DST: variants seen among roughly 807,000 people sequenced by gnomAD.
DST encodes the protein dystonin, also known as bullous pemphigoid antigen.
A neutral mutation model predicts 875.2 loss-of-function variants in DST; 253 were observed. The ratio of observed to expected loss-of-function variants is 0.29; its 90% CI spans 0.26 to 0.32. The LOEUF (loss-of-function observed/expected upper bound fraction) is 0.32. Ranked by LOEUF, DST falls within the 10% of genes least tolerant of loss-of-function variation. The pLI, the probability that DST is intolerant of heterozygous loss-of-function variation, is 1.00. For missense variants in DST, 8,287 were observed against 9,111.6 expected (o/e 0.91, Z 3.68); for synonymous variants, 3,124 against 3,197.1 (o/e 0.98, Z 0.77).
rs2096468437 is a variant in DST at position 56,511,179 on chromosome 6, T to C, written c.18780+18A>G. 1.3e-6 allele frequency: 2 copies of C among 1,559,460 alleles called. No individual in the cohort carries two copies. The highest frequency in any genetic ancestry group is 1.7e-6 in the Non-Finnish European group (2 of 1,148,900). On this transcript the variant is annotated intron_variant, in intron 73 of 103. Coordinates refer to ENST00000680361, the MANE Select transcript of DST (RefSeq NM_001374736.1). ...TTGTCTGCAAGAACCCAATTCTATA[T>C]CTAGTGTAAACAATTACCTGAGTTG...
chr6:56,775,166 A>G (rs544275891), intron 4 of DST, among the ~76,000 whole-genome samples: 5 of 152,238 alleles, frequency 3.3e-5, no homozygotes, highest in African/African-American at 1.2e-4. Flanking sequence ...AAGAACAAGG[A>G]AGAGATTACA....
chr6:56,670,140 G>C lies in DST; in HGVS notation c.1214+501C>G, dbSNP rs921997577. Among the ~76,000 whole-genome samples, 269 of 141,552 alleles carry C rather than the reference G, an allele frequency of 1.9e-3. 2 individuals carry two copies. The highest frequency in any genetic ancestry group is 6.5e-3 in the African/African-American group (241 of 36,900). 92.9% of individuals were successfully genotyped at this position (141,552 alleles called of 152,430 possible). ...TGTGTGCGAGCGCCCGTGCGTGTGT[G>C]TGTGTGTGTGTGTGTGTGTGTGTGT... On this transcript the variant is annotated intron_variant, in intron 10 of 103. Transcript: ENST00000680361.
At chr6:56,939,648 C>A (rs984421481) in intron 2 of DST, among the ~76,000 whole-genome samples, 1 of 152,142 alleles carries the variant, frequency 6.6e-6, no homozygotes, top group Non-Finnish European at 1.5e-5. Context: ...AAACCATTTT[C>A]ACTGTTTTTG....
rs374547422 is a variant in DST, at chr6:56,895,151, G to A, written c.417+5270C>T. ...TCCCGGACGGGGAGGCTGGCCGGGC[G>A]GGGGGCTGACCCCCCCCACCTCCCT... On this transcript the variant is annotated intron_variant, in intron 3 of 103. Transcript: ENST00000680361. Among the ~76,000 whole-genome samples, 72 of 80,534 alleles carry A rather than the reference G, an allele frequency of 8.9e-4. 3 individuals are homozygous for A. In the East Asian group the frequency reaches 0.021, roughly 23 times the overall value. 52.8% of individuals were successfully genotyped at this position (80,534 alleles called of 152,430 possible).
At chr6:56,526,676 C>T in intron 68 of DST, 109 bp from the exon 69 acceptor site, 2 of 896,926 alleles carry the variant, frequency 2.2e-6, no homozygotes, top group Non-Finnish European at 3.4e-6. Flanking sequence ...ATGCTTTGCC[C>T]CACTCCCCCC....
chr6:56,763,598 G>C (rs1221823247), intron 4 of DST, among the ~76,000 whole-genome samples: 1 of 151,686 alleles, frequency 6.6e-6, no homozygotes, highest in East Asian at 1.9e-4. Flanking sequence ...CTTGAACCTG[G>C]GAGGTGGAGG....
chr6:56,526,683 C>T (rs990079384), intron 68 of DST, 116 bp from the exon 69 acceptor site: 66 of 862,430 alleles, frequency 7.7e-5, no homozygotes, highest in Middle Eastern at 3.6e-4. Context: ...GCCCCACTCC[C>T]CCCCTCCCTT....
chr6:56,672,093 C>T (rs1035322006), intron 9 of DST, among the ~76,000 whole-genome samples: 1 of 152,118 alleles, frequency 6.6e-6, no homozygotes, highest in Non-Finnish European at 1.5e-5. Context: ...CCAAAGAAAA[C>T]CTGTTACATG....
At chr6:56,546,785 C>T (rs953831770) in intron 61 of DST, among the ~76,000 whole-genome samples, 2 of 152,118 alleles carry the variant, frequency 1.3e-5, no homozygotes, top group Non-Finnish European at 2.9e-5. Context: ...CTCTCTCTCA[C>T]ACACAACTTT....
intron 72 of DST, among the ~76,000 whole-genome samples, chr6:56,512,880 T>C (rs1182163643): frequency 1.3e-5 from 2 of 152,192 alleles, no homozygotes; most frequent in African/African-American, 2.4e-5. Flanking sequence ...CACATAAGAA[T>C]GTGGGAGGGC....
chr6:56,586,542 C>G (rs2098154029), intron 49 of DST, among the ~76,000 whole-genome samples: 1 of 152,048 alleles, frequency 6.6e-6, no homozygotes, highest in South Asian at 2.1e-4. Flanking sequence ...GGTCTTGACT[C>G]TTGATCCAAT....
chr6:56,507,118 C>T (rs2096341689), intron 75 of DST, among the ~76,000 whole-genome samples: 1 of 152,124 alleles, frequency 6.6e-6, no homozygotes, highest in Admixed American at 6.5e-5. Flanking sequence ...AACCAATATA[C>T]ATTTAACATA....
At chr6:56,660,247 G>A (rs967998594) in intron 10 of DST, among the ~76,000 whole-genome samples, 3 of 152,194 alleles carry the variant, frequency 2.0e-5, no homozygotes, top group African/African-American at 7.2e-5. Flanking sequence ...AAAGCACATG[G>A]CTGGGTTCAT....
intron 49 of DST, among the ~76,000 whole-genome samples, chr6:56,579,704 A>T (rs979550986): frequency 7.2e-5 from 11 of 152,284 alleles, no homozygotes; most frequent in Middle Eastern, 3.4e-3. Flanking sequence ...ATCACAGGAG[A>T]AGGGGAGAGT....
At chr6:56,468,033 C>T (rs1410510604) in intron 98 of DST, among the ~76,000 whole-genome samples, 3 of 151,940 alleles carry the variant, frequency 2.0e-5, no homozygotes, top group Non-Finnish European at 2.9e-5. Flanking sequence ...AAATTATTTG[C>T]TTGCAATAAA....
chr6:56,953,395 G>A (rs1017033317), intron 2 of DST, among the ~76,000 whole-genome samples: 1 of 152,206 alleles, frequency 6.6e-6, no homozygotes, highest in African/African-American at 2.4e-5. Flanking sequence ...AAATGCATAT[G>A]GATCAAATTG....
At chr6:56,720,661 G>A (rs113413484) in intron 5 of DST, among the ~76,000 whole-genome samples, 17 of 152,214 alleles carry the variant, frequency 1.1e-4, no homozygotes, top group South Asian at 6.2e-4. Flanking sequence ...CAGAGAGCAC[G>A]GGGTTGGGGG....
At chr6:56,514,520 T>C (rs907207922) in intron 72 of DST, among the ~76,000 whole-genome samples, 34 of 151,486 alleles carry the variant, frequency 2.2e-4, no homozygotes, top group Non-Finnish European at 4.4e-4. Context: ...TGAATTGAAC[T>C]TTTCCCTCCC....
intron 4 of DST, among the ~76,000 whole-genome samples, chr6:56,761,343 T>C (rs957952380): frequency 2.0e-5 from 3 of 152,236 alleles, no homozygotes; most frequent in Non-Finnish European, 4.4e-5. Context: ...GGGCAAATTG[T>C]TATACGGCTA....
Sources: allele counts gnomAD v4.1 joint callset (sites outside exome capture counted in the v4.1 genomes callset), GRCh38; gene constraint gnomAD v4.1.1; transcripts MANE v1.5; gene names NCBI Gene and HGNC (gene_info 2026-07-23, HGNC 2026-07-21).